Variants in ATP5F1A observed in about 807,000 individuals in gnomAD.
The protein encoded by ATP5F1A is ATP synthase F(1) complex subunit alpha, mitochondrial.
ATP5F1A carries 24 observed loss-of-function variants against 57.4 expected under a neutral mutation model. That is an observed-to-expected ratio of 0.42 (90% CI 0.30 to 0.59). The LOEUF is 0.59. Ranked by LOEUF, ATP5F1A falls within the 20% of genes least tolerant of loss-of-function variation. The pLI is 0.19. For synonymous variants in ATP5F1A, 251 were observed against 255.5 expected (o/e 0.98, Z 0.17); for missense variants, 494 against 707.9 (o/e 0.70, Z 3.43).
chr18:46,089,003 C>T (rs1252376816), intron 5 of ATP5F1A, among the ~76,000 whole-genome samples: 2 of 151,900 alleles, frequency 1.3e-5, no homozygotes, highest in African/African-American at 4.8e-5. Flanking sequence ...AGCACCTTTC[C>T]TTAAACTTAT....
At chr18:46,098,984 C>T (rs1911178742), upstream of ATP5F1A, among the ~76,000 whole-genome samples, 1 of 152,170 alleles carries the variant, frequency 6.6e-6, no homozygotes. Flanking sequence ...ATAGCTAATA[C>T]ATGCGGAGCT....
Position 46,082,896 on chromosome 18 carries a change from A to G in ATP5F1A, c.*1386T>C, listed in dbSNP as rs1909843291. 1.3e-5 allele frequency: 2 copies of G among 151,898 alleles called. No homozygotes were observed. Among genetic ancestry groups the G allele is most frequent in the African/African-American group, 2.4e-5 (1 of 41,336 alleles). 9.4% of individuals were successfully genotyped at this position (151,898 alleles called of 1,614,324 possible). A position where few individuals can be genotyped will look rare whatever the true frequency, so the allele number is the denominator to read the frequency against. On this transcript the variant is annotated 3_prime_UTR_variant, in exon 12 of 12. Transcript: ENST00000398752. ...AAACCTTGTCTCTACTAAAAATACAAAATGTTAGCCGGGTGTGGTGGCATG... is the reference window on the plus strand; with the variant it reads ...AAACCTTGTCTCTACTAAAAATACAGAATGTTAGCCGGGTGTGGTGGCATG...
At chr18:46,093,965 G>T (rs978164610) in intron 2 of ATP5F1A, among the ~76,000 whole-genome samples, 1 of 151,942 alleles carries the variant, frequency 6.6e-6, no homozygotes, top group Admixed American at 6.6e-5. Context: ...AAATTAGCTG[G>T]GTGTGGTGGT....
intron 2 of ATP5F1A, among the ~76,000 whole-genome samples, chr18:46,094,080 C>A (rs1436031654): frequency 2.0e-5 from 3 of 151,426 alleles, no homozygotes; most frequent in Non-Finnish European, 4.4e-5. Context: ...GCACTCCAGC[C>A]TGGGCAACAA....
intron 2 of ATP5F1A, 47 bp downstream of exon 2, chr18:46,095,006 T>A: frequency 2.6e-6 from 4 of 1,548,614 alleles, no homozygotes; most frequent in Non-Finnish European, 2.6e-6. Flanking sequence ...ATGTAATTTA[T>A]ATCTTCATCT....
intron 11 of ATP5F1A, 42 bp downstream of exon 11, chr18:46,084,462 A>C: frequency 6.3e-7 from 1 of 1,575,670 alleles, no homozygotes; most frequent in Non-Finnish European, 8.6e-7. Flanking sequence ...TTCATATCTT[A>C]AACATAACTT....
intron 1 of ATP5F1A, 100 bp from the exon 2 acceptor site, chr18:46,095,231 G>A (rs1166893658): frequency 1.8e-6 from 2 of 1,085,868 alleles, no homozygotes; most frequent in South Asian, 1.6e-5. Flanking sequence ...AAGTACTGGT[G>A]AAAATGCTAA....
intron 10 of ATP5F1A, 61 bp from the exon 11 acceptor site, chr18:46,084,715 A>C: frequency 6.8e-7 from 1 of 1,460,264 alleles, no homozygotes; most frequent in Non-Finnish European, 9.0e-7. Context: ...CCATGTTACC[A>C]AGGTCAGGAA....
chr18:46,083,461 T>C lies in ATP5F1A; in HGVS notation c.*821A>G, dbSNP rs566025791. On this transcript the variant is annotated 3_prime_UTR_variant, in exon 12 of 12. Transcript: ENST00000398752. ...TGTCACAAAACAAACAAAAGAGATA[T>C]TGACAAGTTTTCATAATCCTATGCA... The C allele has an allele frequency of 1.3e-5, 2 of 152,270 alleles. No homozygotes were observed. The highest frequency in any genetic ancestry group is 2.1e-4 in the South Asian group (1 of 4,814). 9.4% of individuals were successfully genotyped at this position (152,270 alleles called of 1,614,324 possible). A position where few individuals can be genotyped will look rare whatever the true frequency, so the allele number is the denominator to read the frequency against.
intron 6 of ATP5F1A, 47 bp from the exon 7 acceptor site, chr18:46,087,539 T>G (rs764027678): frequency 3.5e-5 from 55 of 1,590,180 alleles, no homozygotes; most frequent in Non-Finnish European, 4.5e-5. Context: ...GGTTTTAAAT[T>G]GGAGGCTACT....
At chr18:46,086,859 A>T (rs976365371) in intron 8 of ATP5F1A, 149 bp downstream of exon 8, 2 of 850,508 alleles carry the variant, frequency 2.4e-6, no homozygotes, top group Admixed American at 2.8e-5. Flanking sequence ...TCACTATGCC[A>T]TTCTCCTAAC....
chr18:46,102,701 C>A (rs781333705), upstream of ATP5F1A, among the ~76,000 whole-genome samples: 4 of 152,030 alleles, frequency 2.6e-5, no homozygotes, highest in Non-Finnish European at 5.9e-5. Flanking sequence ...AATCCCAGCA[C>A]TTTGAGAGGC....
Position 46,084,191 on chromosome 18 carries a change from A to G in ATP5F1A, c.*91T>C, listed in dbSNP as rs1909918131. On this transcript the variant is annotated 3_prime_UTR_variant, in exon 12 of 12. Coordinates refer to ENST00000398752, the MANE Select transcript of ATP5F1A (RefSeq NM_004046.6). The stretch of plus-strand genomic sequence containing the variant: ...ATTTTTCATGTGATTTCTGTACATA[A>G]GGAGTATGAGAGTAACCCTTTTACA... The G allele has an allele frequency of 3.0e-6, 3 of 1,013,970 alleles. No individual in the cohort carries two copies. Among genetic ancestry groups the G allele is most frequent in the Non-Finnish European group, 4.4e-6 (3 of 684,158 alleles). The allele number at this position is 1,013,970 out of a possible 1,614,324, so 62.8% of individuals were successfully genotyped here.
chr18:46,092,880 G>A (rs1233957904), intron 2 of ATP5F1A, among the ~76,000 whole-genome samples: 1 of 152,122 alleles, frequency 6.6e-6, no homozygotes, highest in Non-Finnish European at 1.5e-5. Context: ...AGGCACGGTA[G>A]ATCATGCCTG....
intron 6 of ATP5F1A, 186 bp downstream of exon 6, chr18:46,087,923 T>G (rs1179662123): frequency 1.6e-6 from 1 of 625,602 alleles, no homozygotes; most frequent in Non-Finnish European, 2.6e-6. Flanking sequence ...CAGCTTCCAC[T>G]TTAAAGAAAC....
chr18:46,094,821 A>C (rs576516487), intron 2 of ATP5F1A: 1 of 483,936 alleles, frequency 2.1e-6, no homozygotes, highest in Admixed American at 4.4e-5. Context: ...CATTACCAGA[A>C]CAAAGAAGCC....
At chr18:46,095,028 C>G (rs200765347) in intron 2 of ATP5F1A, 25 bp downstream of exon 2, 102 of 1,603,634 alleles carry the variant, frequency 6.4e-5, no homozygotes, top group South Asian at 3.1e-4. Flanking sequence ...GTAAGTGCGG[C>G]GTAGACTGAG....
chr18:46,095,102 G>A lies in ATP5F1A; in HGVS notation c.90C>T (p.Phe30=), dbSNP rs367903141. The change falls in exon 2 of 12, where the codon TTC becomes TTT. Residue 30 remains phenylalanine, a synonymous_variant. Coordinates refer to ENST00000398752, the MANE Select transcript of ATP5F1A (RefSeq NM_004046.6). ...AGGCATGGAAGTTCCTTGCAGCAAT[G>A]AAAGATGAACCCAAAGCATTTCTGG... ...LVSRNALGSS[F]IAARNFHASN... 6.2e-7 allele frequency: 1 copy of A among 1,613,518 alleles called. No homozygotes were observed. Among genetic ancestry groups the A allele is most frequent in the Non-Finnish European group, 8.5e-7 (1 of 1,179,876 alleles).
chr18:46,097,904 G>A (rs76707612), intron 1 of ATP5F1A: 1 of 1,235,008 alleles, frequency 8.1e-7, no homozygotes, highest in Non-Finnish European at 1.0e-6. Flanking sequence ...CCCTTCTAGG[G>A]CCGCTGTCAG....
Sources: allele counts gnomAD v4.1 joint callset (sites outside exome capture counted in the v4.1 genomes callset), GRCh38; gene constraint gnomAD v4.1.1; transcripts MANE v1.5; gene names NCBI Gene and HGNC (gene_info 2026-07-23, HGNC 2026-07-21).